PRIM2: variants seen among roughly 807,000 people sequenced by gnomAD.
PRIM2 encodes DNA primase subunit 2.
A neutral mutation model predicts 67.3 loss-of-function variants in PRIM2; 39 were observed. The ratio of observed to expected loss-of-function variants is 0.58; its 90% CI spans 0.45 to 0.76. The LOEUF (loss-of-function observed/expected upper bound fraction) is 0.76, where lower values mean the gene tolerates loss of function less well. Among genes scored for constraint, PRIM2 ranks in the 30% least tolerant of loss-of-function variants. The probability of loss-of-function intolerance (pLI) is 0.00; values close to 1 mark genes in which losing one functional copy is unlikely to be tolerated. For synonymous variants in PRIM2, 143 were observed against 198.7 expected (o/e 0.72, Z 2.36); for missense variants, 398 against 598.7 (o/e 0.66, Z 3.50).
intron 7 of PRIM2, among the ~76,000 whole-genome samples, chr6:57,406,700 G>A (rs1316185985): frequency 3.3e-5 from 5 of 152,104 alleles, no homozygotes; most frequent in African/African-American, 4.8e-5. Flanking sequence ...AAATTTTAAA[G>A]GGGTACTAAG....
chr6:57,478,945 G>C (rs1166506046), intron 7 of PRIM2, among the ~76,000 whole-genome samples: 1 of 152,214 alleles, frequency 6.6e-6, no homozygotes, highest in Middle Eastern at 3.2e-3. Flanking sequence ...TCGGGAGTTC[G>C]AGATCAGCCT....
At chr6:57,638,972 T>C (rs1777176844) in intron 13 of PRIM2, among the ~76,000 whole-genome samples, 2 of 152,096 alleles carry the variant, frequency 1.3e-5, no homozygotes, top group African/African-American at 4.8e-5. Flanking sequence ...CAGCACCACA[T>C]TGCACTTATT....
intron 7 of PRIM2, among the ~76,000 whole-genome samples, chr6:57,438,467 T>C (rs1429241560): frequency 6.6e-6 from 1 of 152,120 alleles, no homozygotes; most frequent in Non-Finnish European, 1.5e-5. Context: ...ATGACCAGCT[T>C]TGATGAATGT....
chr6:57,495,116 A>T (rs1554346252), intron 7 of PRIM2, among the ~76,000 whole-genome samples: 6 of 152,220 alleles, frequency 3.9e-5, no homozygotes, highest in Admixed American at 6.5e-5. Context: ...ATAGTTTAAG[A>T]AGCTCCCTTT....
In PRIM2 at chr6:57,545,574, GC is replaced by G. The variant is rs1267133811; in HGVS notation, c.1020+7950del. On this transcript the variant is annotated intron_variant, in intron 10 of 13. Transcript: ENST00000615550. ...GCCTTCCAAGTAGCTGGGATTACAG[GC>G]ATGTGCCACCAGGCCCGGCTAATTT... Among the ~76,000 whole-genome samples the G allele has an allele frequency of 1.4e-4, 22 of 152,220 alleles. 1 individual carries two copies. The East Asian group carries it at 4.3e-3, about 29-fold the overall frequency.
chr6:57,508,630 C>T (rs1774297322), intron 8 of PRIM2, among the ~76,000 whole-genome samples: 2 of 152,094 alleles, frequency 1.3e-5, no homozygotes, highest in African/African-American at 4.8e-5. Flanking sequence ...TCTACCTATA[C>T]ACTTATATTT....
intron 12 of PRIM2, among the ~76,000 whole-genome samples, chr6:57,608,067 G>T (rs1317831429): frequency 3.9e-5 from 6 of 152,054 alleles, no homozygotes; most frequent in African/African-American, 1.2e-4. Flanking sequence ...TTGCTGGAGG[G>T]AGAGAAGAGG....
At position 57,453,217 on chromosome 6, in the gene PRIM2, C is replaced by T. The variant is rs1470863670; in HGVS notation, c.694-54170C>T. ...TGTAGTATAGTTTGAAGTCAGGCAGCATGATGCCTCCAGCTTTGTTCTTTT... is the reference window on the plus strand; with the variant it reads ...TGTAGTATAGTTTGAAGTCAGGCAGTATGATGCCTCCAGCTTTGTTCTTTT... On this transcript the variant is annotated intron_variant, in intron 7 of 13. Transcript: ENST00000615550. Among the ~76,000 whole-genome samples, 5 of 152,268 alleles carry T rather than the reference C, an allele frequency of 3.3e-5. No individual in the cohort carries two copies. The South Asian group carries it at 1.0e-3, about 32-fold the overall frequency.
At chr6:57,270,459 A>T in the PRIM2 span, among the ~76,000 whole-genome samples, 2 of 152,116 alleles carry the variant, frequency 1.3e-5, no homozygotes, top group Non-Finnish European at 2.9e-5. Context: ...AATGCTTGTG[A>T]TTTTTGTACA....
Position 57,615,752 on chromosome 6 carries a change from G to C in PRIM2, c.1230+9295G>C, listed in dbSNP as rs1450232615. Among the ~76,000 whole-genome samples the C allele has an allele frequency of 5.9e-5, 9 of 152,122 alleles. No individual in the cohort carries two copies. In the South Asian group the frequency reaches 6.2e-4, roughly 11 times the overall value. On this transcript the variant is annotated intron_variant, in intron 12 of 13. Coordinates refer to ENST00000615550, the MANE Select transcript of PRIM2 (RefSeq NM_000947.5). ...CTTTAAAAAAGTAATAAAAATAACA[G>C]TTGTGGTGATGCACACCTGTAGTTC...
At chr6:57,638,592 A>AG (rs1165934513) in intron 13 of PRIM2, among the ~76,000 whole-genome samples, 1 of 148,884 alleles carries the variant, frequency 6.7e-6, no homozygotes, top group Non-Finnish European at 1.5e-5. Flanking sequence ...AAAAAAAAAA[A>AG]AAAAAAAGCA....
Position 57,545,677 on chromosome 6 carries a change from A to G in PRIM2, c.1020+8052A>G, listed in dbSNP as rs1455895706. Among the ~76,000 whole-genome samples the G allele has an allele frequency of 1.4e-3, 212 of 152,100 alleles. 5 individuals carry two copies. The East Asian group carries it at 0.019, about 14-fold the overall frequency. ...TCGAACTCCCGACCTCAGGTGATCT[A>G]CCCACCTCGGCCTCCTAAAATGCTG... On this transcript the variant is annotated intron_variant, in intron 10 of 13. Coordinates refer to ENST00000615550, the MANE Select transcript of PRIM2 (RefSeq NM_000947.5).
chr6:57,272,057 C>T, the PRIM2 span, among the ~76,000 whole-genome samples: 1 of 152,030 alleles, frequency 6.6e-6, no homozygotes, highest in East Asian at 1.9e-4. Flanking sequence ...ACTATGTGGT[C>T]GATTTTGGAA....
chr6:57,340,767 TAGTG>T (rs1768452957), intron 5 of PRIM2, among the ~76,000 whole-genome samples: 1 of 152,070 alleles, frequency 6.6e-6, no homozygotes, highest in Admixed American at 6.6e-5. Context: ...AATGACGAGT[TAGTG>T]GGTGCAGCAC....
At chr6:57,499,829 AGTTGGACATCCCT>A (rs1239859654) in intron 7 of PRIM2, among the ~76,000 whole-genome samples, 2 of 152,214 alleles carry the variant, frequency 1.3e-5, no homozygotes, top group African/African-American at 4.8e-5. Context: ...AGTTAATGAC[AGTTGGACATCCCT>A]GTTTTATGCA....
At chr6:57,353,702 A>AT (rs1485313574) in intron 5 of PRIM2, among the ~76,000 whole-genome samples, 1 of 151,872 alleles carries the variant, frequency 6.6e-6, no homozygotes, top group Non-Finnish European at 1.5e-5. Context: ...CCTCTTTTTT[A>AT]TTTTTTTATT....
At chr6:57,258,016 G>T in the PRIM2 span, among the ~76,000 whole-genome samples, 1 of 152,082 alleles carries the variant, frequency 6.6e-6, no homozygotes, top group Non-Finnish European at 1.5e-5. Flanking sequence ...TCATCGGCTG[G>T]TCTTTTGTAA....
chr6:57,283,577 G>A, the PRIM2 span, among the ~76,000 whole-genome samples: 2 of 152,020 alleles, frequency 1.3e-5, no homozygotes, highest in Admixed American at 6.6e-5. Context: ...TTATTAACTC[G>A]GTGGCTTTGG....
chr6:57,399,994 G>A (rs963117100), intron 7 of PRIM2, among the ~76,000 whole-genome samples: 38 of 151,996 alleles, frequency 2.5e-4, no homozygotes, highest in Admixed American at 6.6e-4. Context: ...TTGTCATTAC[G>A]AGACCCATTA....
Sources: gnomAD v4.1 joint callset for allele counts (sites outside exome capture counted in the v4.1 genomes callset) on GRCh38, gnomAD v4.1.1 for gene constraint, MANE v1.5 for transcripts, NCBI Gene and HGNC (gene_info 2026-07-23, HGNC 2026-07-21) for gene names.